Variants in ZC3H13 observed in about 807,000 individuals in gnomAD.
The protein encoded by ZC3H13 is zinc finger CCCH-type containing 13, also known as zinc finger CCCH domain-containing protein 13.
In ZC3H13, 64 loss-of-function variants were observed where a neutral mutation model predicts 204.1. The ratio of observed to expected loss-of-function variants is 0.31; its 90% CI spans 0.26 to 0.39. The LOEUF is 0.39. ZC3H13 is among the 10% of genes least tolerant of loss of function. ZC3H13 has a pLI of 1.00. For synonymous variants in ZC3H13, 667 were observed against 693.7 expected (o/e 0.96, Z 0.60); for missense variants, 1,833 against 2,082.7 (o/e 0.88, Z 2.33).
chr13:45,965,458 C>A, intron 15 of ZC3H13, 26 bp from the exon 16 acceptor site: 1 of 1,608,138 alleles, frequency 6.2e-7, no homozygotes, highest in South Asian at 1.1e-5. Context: ...AATTTCAGAT[C>A]AAAGACAACA....
intron 10 of ZC3H13, 140 bp downstream of exon 10, chr13:45,985,157 T>A (rs942455668): frequency 1.1e-6 from 1 of 950,486 alleles, no homozygotes; most frequent in African/African-American, 1.7e-5. Flanking sequence ...TAGGAATTTA[T>A]AAGGAAGACT....
chr13:46,003,265 T>A lies in ZC3H13; in HGVS notation c.818A>T (p.Asp273Val), dbSNP rs769744918. 1 of 1,613,266 alleles carries A rather than the reference T, an allele frequency of 6.2e-7. No individual in the cohort carries two copies. The change falls in exon 8 of 19, where the codon GAT (aspartate) becomes GTT (valine). Residue 273 changes from aspartate (D) to valine (V), a missense_variant. Physicochemically the swap from Asp to Val is radical, Grantham distance 152. Around this residue, in one of 5 missense-constraint regions of ZC3H13, gnomAD observed 1,574 missense variants for 1,757.2 expected, o/e 0.90. Coordinates refer to ENST00000679008, the MANE Select transcript of ZC3H13 (RefSeq NM_001330564.2). ...TPSPPPPIPE[D>V]IALGKKYKEK... The stretch of plus-strand genomic sequence containing the variant: ...TTTGTATTTTTTCCCCAGAGCGATA[T>A]CTTCTGGTATAGGAGGGGGTGGACT...
At chr13:46,000,093 C>A (rs996201495) in intron 8 of ZC3H13, among the ~76,000 whole-genome samples, 4 of 152,150 alleles carry the variant, frequency 2.6e-5, no homozygotes, top group Admixed American at 6.5e-5. Flanking sequence ...AGAGCACAGG[C>A]AAAGTACATT....
intron 10 of ZC3H13, among the ~76,000 whole-genome samples, chr13:45,983,578 C>G (rs1953896791): frequency 6.7e-6 from 1 of 149,322 alleles, no homozygotes; most frequent in Non-Finnish European, 1.5e-5. Flanking sequence ...AGGCGCCCAC[C>G]ACCACGCCCG....
At chr13:46,011,356 C>A in intron 6 of ZC3H13, 59 bp downstream of exon 6, 1 of 1,465,772 alleles carries the variant, frequency 6.8e-7, no homozygotes, top group Non-Finnish European at 9.1e-7. Context: ...GCTGAGTTAT[C>A]TGATCAATAC....
rs749150751 is a variant in ZC3H13 at position 45,967,883 on chromosome 13, C to G, written c.3942G>C (p.Glu1314Asp). 1.1e-5 allele frequency: 18 copies of G among 1,614,024 alleles called. No homozygotes were observed. Among genetic ancestry groups the G allele is most frequent in the Non-Finnish European group, 1.4e-5 (17 of 1,179,990 alleles). ...RYEHDRERERERRDTRQREWD... is the reference protein window; with the variant it reads ...RYEHDRERERDRRDTRQREWD... The stretch of plus-strand genomic sequence containing the variant: ...ATTCTCTCTGCCTCGTATCTCTCCT[C>G]TCTCTCTCGCGCTCTCTGTCGTGTT... The change falls in exon 15 of 19, where the codon GAG becomes GAC. Residue 1314 changes from glutamate (E) to aspartate (D), a missense_variant. Glu to Asp is a conservative substitution (Grantham distance 45). Around this residue, in one of 5 missense-constraint regions of ZC3H13, gnomAD observed 1,574 missense variants for 1,757.2 expected, o/e 0.90. Transcript: ENST00000679008.
At chr13:45,960,261 G>A (rs1221326822) in intron 17 of ZC3H13, among the ~76,000 whole-genome samples, 1 of 151,922 alleles carries the variant, frequency 6.6e-6, no homozygotes, top group Non-Finnish European at 1.5e-5. Context: ...CCAGCCCCAG[G>A]GAATTTATTT....
intron 14 of ZC3H13, 64 bp downstream of exon 14, chr13:45,968,684 T>C: frequency 6.7e-7 from 1 of 1,499,566 alleles, no homozygotes. Context: ...ACTTTAGAAT[T>C]AAAATGTGTA....
chr13:46,052,317 A>T (rs2044519529), intron 1 of ZC3H13, 87 bp downstream of exon 1: 1 of 384,812 alleles, frequency 2.6e-6, no homozygotes, highest in Non-Finnish European at 4.6e-6. Flanking sequence ...ACTCAAGCAA[A>T]GACGGGGGGG....
At position 45,969,808 on chromosome 13, in the gene ZC3H13, C is replaced by G; in HGVS notation, c.2736G>C (p.Glu912Asp). 6.2e-7 allele frequency: 1 copy of G among 1,613,914 alleles called. No homozygotes were observed. The highest frequency in any genetic ancestry group is 1.1e-5 in the South Asian group (1 of 91,084). The stretch of plus-strand genomic sequence containing the variant: ...TCTGTTTATCTACAGAAGAAACTTT[C>G]TCCTTGAGTTCCTGTTCTTCGTAGC... ...SRRYEEQELK[E>D]KVSSVDKQRE... The change falls in exon 14 of 19, where the codon GAG becomes GAC. Residue 912 changes from glutamate to aspartate, a missense_variant. Transcript: ENST00000679008.
Position 45,956,446 on chromosome 13 carries a change from A to T in ZC3H13, c.*681T>A, listed in dbSNP as rs1372680383. 6.6e-6 allele frequency: 1 copy of T among 152,216 alleles called. No homozygotes were observed. The highest frequency in any genetic ancestry group is 1.5e-5 in the Non-Finnish European group (1 of 68,018). 9.4% of individuals were successfully genotyped at this position (152,216 alleles called of 1,614,324 possible). A position where few individuals can be genotyped will look rare whatever the true frequency, so the allele number is the denominator to read the frequency against. On this transcript the variant is annotated 3_prime_UTR_variant, in exon 19 of 19. Transcript: ENST00000679008. Reference sequence around the variant, plus strand: ...CGAAGAGCAAAGTAAATCTAAAACAAGGAAAGGGAAGATACATTTATTAAA... The same window carrying T: ...CGAAGAGCAAAGTAAATCTAAAACATGGAAAGGGAAGATACATTTATTAAA...
intron 11 of ZC3H13, among the ~76,000 whole-genome samples, chr13:45,977,429 C>CA (rs2138053784): frequency 6.6e-6 from 1 of 152,200 alleles, no homozygotes; most frequent in South Asian, 2.1e-4. Context: ...ACCAAAATAT[C>CA]AATGCTACTT....
chr13:46,025,764 G>A (rs905514036), intron 4 of ZC3H13, among the ~76,000 whole-genome samples: 1 of 151,924 alleles, frequency 6.6e-6, no homozygotes, highest in African/African-American at 2.4e-5. Flanking sequence ...TTTCTTCTCT[G>A]TTATTTACTG....
intron 12 of ZC3H13, 139 bp from the exon 13 acceptor site, chr13:45,970,604 AG>A (rs1794934158): frequency 1.6e-6 from 1 of 614,748 alleles, no homozygotes; most frequent in African/African-American, 1.8e-5. Context: ...TATCATACAA[AG>A]GATATTCAGT....
chr13:45,960,519 G>C (rs1327710364), intron 17 of ZC3H13, among the ~76,000 whole-genome samples: 1 of 152,142 alleles, frequency 6.6e-6, no homozygotes, highest in Non-Finnish European at 1.5e-5. Context: ...CTGGGACAAT[G>C]TATTAAATTT....
intron 1 of ZC3H13, among the ~76,000 whole-genome samples, chr13:46,046,549 T>G (rs1449630556): frequency 1.3e-5 from 2 of 149,528 alleles, no homozygotes; most frequent in African/African-American, 4.9e-5. Context: ...GCGCCTGTAG[T>G]CCCAGCTACT....
intron 17 of ZC3H13, among the ~76,000 whole-genome samples, chr13:45,961,955 TAC>T (rs1951722272): frequency 6.6e-6 from 1 of 152,192 alleles, no homozygotes; most frequent in Non-Finnish European, 1.5e-5. Flanking sequence ...TCAATTTCAG[TAC>T]ACTTATAAAT....
intron 12 of ZC3H13, 145 bp downstream of exon 12, chr13:45,975,138 T>G: frequency 7.6e-7 from 1 of 1,317,506 alleles, no homozygotes. Flanking sequence ...TAAACACCGA[T>G]ACATATACTA....
chr13:46,010,093 C>T (rs1304366422), intron 7 of ZC3H13: 1 of 256,786 alleles, frequency 3.9e-6, no homozygotes, highest in Non-Finnish European at 7.3e-6. Context: ...AAGAGAGGAA[C>T]AGGAAATGTA....
Sources: allele counts gnomAD v4.1 joint callset (sites outside exome capture counted in the v4.1 genomes callset), GRCh38; gene constraint gnomAD v4.1.1; regional missense constraint gnomAD v4.1.1; transcripts MANE v1.5; gene names NCBI Gene and HGNC (gene_info 2026-07-23, HGNC 2026-07-21).